MAN2A1: variants seen among roughly 807,000 people sequenced by gnomAD.
MAN2A1 encodes alpha-mannosidase 2.
MAN2A1 carries 76 observed loss-of-function variants against 142.6 expected under a neutral mutation model. That is an observed-to-expected ratio of 0.53 (90% confidence interval 0.44 to 0.65). The LOEUF (loss-of-function observed/expected upper bound fraction) is 0.65, where lower values mean the gene tolerates loss of function less well. Ranked by LOEUF, MAN2A1 falls within the 30% of genes least tolerant of loss-of-function variation. MAN2A1 has a pLI of 0.00. For synonymous variants in MAN2A1, 559 were observed against 473.2 expected (o/e 1.18, Z -2.35); for missense variants, 1,311 against 1,365.1 (o/e 0.96, Z 0.62).
At chr5:109,711,930 T>G (rs977380487) in intron 1 of MAN2A1, among the ~76,000 whole-genome samples, 1 of 152,074 alleles carries the variant, frequency 6.6e-6, no homozygotes, top group African/African-American at 2.4e-5. Context: ...TTCTGTTATG[T>G]GCTTCTAAGT....
intron 12 of MAN2A1, among the ~76,000 whole-genome samples, chr5:109,809,009 C>G (rs1338363472): frequency 2.0e-5 from 3 of 151,952 alleles, no homozygotes; most frequent in Admixed American, 2.0e-4. Flanking sequence ...GGCCTCCTTA[C>G]ACTAAATTTC....
chr5:109,735,421 T>C (rs1363939971), intron 4 of MAN2A1, among the ~76,000 whole-genome samples: 1 of 152,214 alleles, frequency 6.6e-6, no homozygotes, highest in Admixed American at 6.5e-5. Flanking sequence ...CATTTTGATG[T>C]TAGCTGGTTA....
chr5:109,797,098 G>A (rs1264417954), intron 12 of MAN2A1, among the ~76,000 whole-genome samples: 1 of 152,140 alleles, frequency 6.6e-6, no homozygotes, highest in Non-Finnish European at 1.5e-5. Flanking sequence ...ACAGAGTCTA[G>A]GTAAATGTCT....
rs1755927478 is a variant in MAN2A1, at chr5:109,868,023, G to T, written c.*1025G>T. On this transcript the variant is annotated 3_prime_UTR_variant, in exon 22 of 22. Transcript: ENST00000261483. The stretch of plus-strand genomic sequence containing the variant: ...GTGGTGATGTTACTCTAAACATTTT[G>T]ACTATTTGAATGTACTGAGATGTCA... 6.6e-6 allele frequency: 1 copy of T among 152,062 alleles called. No homozygotes were observed. The highest frequency in any genetic ancestry group is 1.5e-5 in the Non-Finnish European group (1 of 67,996). 9.4% of individuals were successfully genotyped at this position (152,062 alleles called of 1,614,324 possible). A position where few individuals can be genotyped will look rare whatever the true frequency, so the allele number is the denominator to read the frequency against.
intron 9 of MAN2A1, among the ~76,000 whole-genome samples, chr5:109,784,395 G>C (rs1013982411): frequency 2.0e-5 from 3 of 152,122 alleles, no homozygotes; most frequent in Admixed American, 6.6e-5. Flanking sequence ...CTCTTGGAGA[G>C]AAGAAAGGAC....
chr5:109,756,318 T>C (rs1752687007), intron 5 of MAN2A1, among the ~76,000 whole-genome samples: 1 of 152,222 alleles, frequency 6.6e-6, no homozygotes, highest in Admixed American at 6.5e-5. Flanking sequence ...AACTATGTGA[T>C]ATTTAATATT....
intron 4 of MAN2A1, among the ~76,000 whole-genome samples, chr5:109,745,115 G>T (rs1378264961): frequency 2.0e-5 from 3 of 152,098 alleles, no homozygotes; most frequent in African/African-American, 7.2e-5. Flanking sequence ...GAGTGGGCGA[G>T]CATGGATTGG....
intron 12 of MAN2A1, among the ~76,000 whole-genome samples, chr5:109,813,096 C>CA (rs2112715186): frequency 6.6e-6 from 1 of 152,286 alleles, no homozygotes; most frequent in African/African-American, 2.4e-5. Context: ...TTACTTCATG[C>CA]AGTGAGGTCA....
chr5:109,805,555 A>T (rs112298477), intron 12 of MAN2A1, among the ~76,000 whole-genome samples: 16 of 152,280 alleles, frequency 1.1e-4, no homozygotes, highest in African/African-American at 3.4e-4. Flanking sequence ...GGCAGATCTC[A>T]CTGTCAGATG....
At position 109,690,442 on chromosome 5, in the gene MAN2A1, G is replaced by T; in HGVS notation, c.25G>T (p.Val9Leu). 3 of 1,614,070 alleles carry T rather than the reference G, an allele frequency of 1.9e-6. No homozygotes were observed. The highest frequency in any genetic ancestry group is 2.5e-6 in the Non-Finnish European group (3 of 1,179,938). MKLSRQFT[V>L]FGSAIFCVVI... is the part of the protein sequence containing the mutation. ...AATGAAGTTAAGCCGCCAGTTCACCGTGTTCGGCAGTGCGATCTTCTGTGT... is the reference window on the plus strand; with the variant it reads ...AATGAAGTTAAGCCGCCAGTTCACCTTGTTCGGCAGTGCGATCTTCTGTGT... The change falls in exon 1 of 22, where the codon GTG becomes TTG. Residue 9 changes from valine to leucine, a missense_variant. Physicochemically the swap from Val to Leu is conservative, Grantham distance 32 (BLOSUM62 1). Transcript: ENST00000261483.
chr5:109,849,183 C>T (rs1341735739), intron 19 of MAN2A1, among the ~76,000 whole-genome samples: 5 of 152,116 alleles, frequency 3.3e-5, no homozygotes, highest in Non-Finnish European at 5.9e-5. Context: ...AAGCATGTCC[C>T]CTGGCCTTCT....
rs1752662235 is a variant in MAN2A1, at chr5:109,755,396, C to T, written c.775C>T (p.His259Tyr). 1.2e-6 allele frequency: 2 copies of T among 1,610,664 alleles called. No individual in the cohort carries two copies. Among genetic ancestry groups the T allele is most frequent in the Non-Finnish European group, 8.5e-7 (1 of 1,177,036 alleles). Residue 259 changes from histidine (H) to tyrosine (Y), a missense_variant, in exon 5 of 22, where the codon CAT (histidine) becomes TAT (tyrosine). Physicochemically the swap from His to Tyr is moderately conservative, Grantham distance 83. This residue lies in a region of MAN2A1 where 409 missense variants were observed against 412.7 expected (regional missense o/e 0.99). Transcript: ENST00000261483. ...GGTTATGCCTGATGAAGCTACTCCACATTATTTTGCCTTAATTGATCAACT... is the reference window on the plus strand; with the variant it reads ...GGTTATGCCTGATGAAGCTACTCCATATTATTTTGCCTTAATTGATCAACT... Reference protein sequence around the residue: ...GWVMPDEATPHYFALIDQLIE... With the variant: ...GWVMPDEATPYYFALIDQLIE...
intron 17 of MAN2A1, among the ~76,000 whole-genome samples, chr5:109,845,147 G>A (rs187198923): frequency 7.2e-4 from 109 of 152,240 alleles, no homozygotes; most frequent in African/African-American, 2.6e-3. Flanking sequence ...ATGAGGAGAT[G>A]ACATTTTTAT....
chr5:109,692,904 C>T (rs1429458307), intron 1 of MAN2A1, among the ~76,000 whole-genome samples: 1 of 152,100 alleles, frequency 6.6e-6, no homozygotes, highest in Non-Finnish European at 1.5e-5. Context: ...AGATCCCTGG[C>T]ATGCGCAGTT....
At chr5:109,761,090 A>G (rs1424240409) in intron 5 of MAN2A1, among the ~76,000 whole-genome samples, 2 of 151,090 alleles carry the variant, frequency 1.3e-5, no homozygotes, top group African/African-American at 2.4e-5. Context: ...ATGCATGTGT[A>G]TATGTGTGGT....
At chr5:109,731,826 G>T (rs1047928189) in intron 4 of MAN2A1, among the ~76,000 whole-genome samples, 1 of 148,562 alleles carries the variant, frequency 6.7e-6, no homozygotes, top group African/African-American at 2.5e-5. Flanking sequence ...AAACATACAT[G>T]TGCATGTGTC....
chr5:109,830,215 C>T (rs1048730313), intron 16 of MAN2A1, among the ~76,000 whole-genome samples: 4 of 152,096 alleles, frequency 2.6e-5, no homozygotes, highest in African/African-American at 9.7e-5. Context: ...TTTGAAGACC[C>T]CTCTTATAAG....
At position 109,708,080 on chromosome 5, in the gene MAN2A1, C is replaced by T. The variant is rs146767687; in HGVS notation, c.136-5440C>T. ...AGAGGTAAGAGGCTCAAGAAGCTAA[C>T]CTTGAGGTGCTCTAACATTTAGAGC... On this transcript the variant is annotated intron_variant, in intron 1 of 21. Transcript: ENST00000261483. Among the ~76,000 whole-genome samples the T allele has an allele frequency of 1.7e-3, 259 of 152,102 alleles. 2 individuals are homozygous for T. The highest frequency in any genetic ancestry group is 6.0e-3 in the African/African-American group (251 of 41,496).
intron 8 of MAN2A1, among the ~76,000 whole-genome samples, chr5:109,779,794 C>G (rs752528650): frequency 6.6e-6 from 1 of 152,128 alleles, no homozygotes; most frequent in Non-Finnish European, 1.5e-5. Context: ...TGCCCAAGAT[C>G]ACTCTCTGTT....
Sources: allele counts gnomAD v4.1 joint callset (sites outside exome capture counted in the v4.1 genomes callset), GRCh38; gene constraint gnomAD v4.1.1; regional missense constraint gnomAD v4.1.1; transcripts MANE v1.5; gene names NCBI Gene and HGNC (gene_info 2026-07-23, HGNC 2026-07-21).